The following POGZ variants were observed in gnomAD, a reference collection of about 807,000 sequenced individuals.
POGZ encodes the protein pogo transposable element with ZNF domain.
POGZ carries 17 observed loss-of-function variants against 134.6 expected under a neutral mutation model. The observed-to-expected ratio is 0.13, with a 90% confidence interval of 0.09 to 0.19. POGZ has a LOEUF of 0.19. Ranked by LOEUF, POGZ falls within the 10% of genes least tolerant of loss-of-function variation. The pLI, the probability that POGZ is intolerant of heterozygous loss-of-function variation, is 1.00. For synonymous variants in POGZ, 693 were observed against 657.1 expected, an observed-to-expected ratio of 1.05 and a Z score of -0.84; for missense variants, 1,306 against 1,769.7, an observed-to-expected ratio of 0.74 and a Z score of 4.70.
At chr1:151,429,561 T>C (rs374733214) in intron 5 of POGZ, 42 bp downstream of exon 5, 2 of 988,796 alleles carry the variant, frequency 2.0e-6, no homozygotes, top group African/African-American at 1.6e-5. Flanking sequence ...ACAAATCTTC[T>C]GGATGCCAGT....
At position 151,406,198 on chromosome 1, in the gene POGZ, T is replaced by A; in HGVS notation, c.2837A>T (p.Asp946Val). The change falls in exon 19 of 19, where the codon GAT becomes GTT. Residue 946 changes from aspartate (D) to valine (V), a missense_variant. Asp to Val is a radical substitution (Grantham distance 152). Transcript: ENST00000271715. ...GAECLNVDDQ[D>V]EGSPVTQEPE... Reference sequence around the variant, plus strand: ...TTCTTGGGTGACTGGGCTCCCTTCATCCTGATCATCAACATTCAGACATTC... The same window carrying A: ...TTCTTGGGTGACTGGGCTCCCTTCAACCTGATCATCAACATTCAGACATTC... 2.5e-6 allele frequency: 4 copies of A among 1,614,178 alleles called. No homozygotes were observed. The highest frequency in any genetic ancestry group is 1.1e-5 in the South Asian group (1 of 91,086).
At chr1:151,415,743 TAACTA>T (rs1655527827) in intron 10 of POGZ, among the ~76,000 whole-genome samples, 1 of 148,358 alleles carries the variant, frequency 6.7e-6, no homozygotes, top group Non-Finnish European at 1.5e-5. Flanking sequence ...ACAGGAATAA[TAACTA>T]ACAGTCTTAA....
chr1:151,418,455 G>A (rs1656186221), intron 10 of POGZ, among the ~76,000 whole-genome samples: 1 of 152,110 alleles, frequency 6.6e-6, no homozygotes, highest in Non-Finnish European at 1.5e-5. Context: ...GGAGTAGAGA[G>A]TTGAAGAGAA....
rs1571622883 is a variant in POGZ, at chr1:151,459,396, G to C, written c.-246C>G. On this transcript the variant is annotated 5_prime_UTR_variant, in exon 1 of 19. Transcript: ENST00000271715. ...GGCGGGGGGGCCCCGAGGGAGGGGG[G>C]TGGGGGGGCCAAGGAATGCGGCTCC... 1 of 150,140 alleles carries C rather than the reference G, an allele frequency of 6.7e-6. No individual in the cohort carries two copies. The highest frequency in any genetic ancestry group is 1.5e-5 in the Non-Finnish European group (1 of 67,420). The allele number at this position is 150,140 out of a possible 1,614,324, so 9.3% of individuals were successfully genotyped here. A position where few individuals can be genotyped will look rare whatever the true frequency, so the allele number is the denominator to read the frequency against.
At chr1:151,415,636 A>C (rs1271011596) in intron 10 of POGZ, among the ~76,000 whole-genome samples, 1 of 146,514 alleles carries the variant, frequency 6.8e-6, no homozygotes, top group Non-Finnish European at 1.5e-5. Flanking sequence ...GCACCACTGC[A>C]CTCCAGCCTG....
At chr1:151,439,556 T>C (rs1225332830) in intron 3 of POGZ, among the ~76,000 whole-genome samples, 1 of 152,208 alleles carries the variant, frequency 6.6e-6, no homozygotes, top group African/African-American at 2.4e-5. Context: ...GACTTTATAT[T>C]GCAAATACGT....
At chr1:151,458,697 CGCCCCT>C (rs921848219) in intron 1 of POGZ, among the ~76,000 whole-genome samples, 8 of 145,792 alleles carry the variant, frequency 5.5e-5, no homozygotes, top group African/African-American at 2.0e-4. Context: ...CCCCCGCCCC[CGCCCCT>C]TCCCCAGCGG....
chr1:151,445,308 G>A (rs1661109022), intron 1 of POGZ, among the ~76,000 whole-genome samples: 1 of 151,982 alleles, frequency 6.6e-6, no homozygotes, highest in African/African-American at 2.4e-5. Flanking sequence ...GATCATTTGA[G>A]GTCAGGAGTT....
chr1:151,411,687 G>A lies in POGZ; in HGVS notation c.1864C>T (p.Pro622Ser). Residue 622 changes from proline (P) to serine (S), a missense_variant, in exon 12 of 19, where the codon CCT becomes TCT. Physicochemically the swap from Pro to Ser is moderately conservative, Grantham distance 74. Coordinates refer to ENST00000271715, the MANE Select transcript of POGZ (RefSeq NM_015100.4). The part of the protein sequence containing the change: ...IHEDTRHLLC[P>S]YCLKVFKNGN... Reference sequence around the variant, plus strand: ...TTTTTGAAGACCTTCAGGCAATAAGGGCAGAGCAGATGCCGGGTATCCTCA... The same window carrying A: ...TTTTTGAAGACCTTCAGGCAATAAGAGCAGAGCAGATGCCGGGTATCCTCA... 2 of 1,613,668 alleles carry A rather than the reference G, an allele frequency of 1.2e-6. No homozygotes were observed. The highest frequency in any genetic ancestry group is 1.7e-6 in the Non-Finnish European group (2 of 1,179,750).
chr1:151,452,720 C>T (rs1327482368), intron 1 of POGZ, among the ~76,000 whole-genome samples: 1 of 151,796 alleles, frequency 6.6e-6, no homozygotes, highest in African/African-American at 2.4e-5. Context: ...AAAAATTAGC[C>T]ATGCGTGGTG....
intron 1 of POGZ, among the ~76,000 whole-genome samples, chr1:151,443,067 A>G (rs1489078358): frequency 1.3e-5 from 2 of 152,138 alleles, no homozygotes; most frequent in East Asian, 3.9e-4. Flanking sequence ...TGTAATACCC[A>G]GGGCCAGGGT....
intron 10 of POGZ, among the ~76,000 whole-genome samples, chr1:151,420,452 G>A (rs1036804275): frequency 3.9e-5 from 6 of 152,036 alleles, no homozygotes; most frequent in Non-Finnish European, 8.8e-5. Context: ...GAGTAGCTAC[G>A]ACTATAGGCG....
intron 10 of POGZ, among the ~76,000 whole-genome samples, chr1:151,418,740 T>C (rs1348503777): frequency 6.6e-6 from 1 of 151,926 alleles, no homozygotes; most frequent in Non-Finnish European, 1.5e-5. Context: ...AAAAGCTACT[T>C]TTGGGCTGGG....
chr1:151,406,299 G>A lies in POGZ; in HGVS notation c.2736C>T (p.Ala912=). 2 of 1,611,348 alleles carry A rather than the reference G, an allele frequency of 1.2e-6. No individual in the cohort carries two copies. Among genetic ancestry groups the A allele is most frequent in the South Asian group, 1.1e-5 (1 of 90,660 alleles). ...GGGTTGGTGGTGGGGTTGCAGTTGA[G>A]GCTGGTGATGGGAGTGCTGGGGCTA... ...TPLAPALPSP[A]STATPPPTPT... Residue 912 remains alanine (A), a synonymous_variant, in exon 19 of 19, where the codon GCC becomes GCT. Transcript: ENST00000271715.
chr1:151,421,015 TA>T (rs1167729703), intron 10 of POGZ, among the ~76,000 whole-genome samples: 1 of 145,042 alleles, frequency 6.9e-6, no homozygotes, highest in South Asian at 2.2e-4. Context: ...ATACCTATGA[TA>T]AAGTTTAATT....
At chr1:151,411,082 T>TAAA (rs1654582676) in intron 12 of POGZ, among the ~76,000 whole-genome samples, 1 of 152,194 alleles carries the variant, frequency 6.6e-6, no homozygotes, top group Admixed American at 6.6e-5. Flanking sequence ...AAGCCTTAAC[T>TAAA]AAAGCTGAAC....
chr1:151,432,843 CCAGT>C (rs1421722152), intron 3 of POGZ, among the ~76,000 whole-genome samples: 1 of 152,088 alleles, frequency 6.6e-6, no homozygotes, highest in Non-Finnish European at 1.5e-5. Flanking sequence ...TATCAAATAC[CCAGT>C]CAAAATTCAA....
intron 1 of POGZ, among the ~76,000 whole-genome samples, chr1:151,446,047 T>C (rs1034009615): frequency 1.8e-4 from 4 of 21,848 alleles, no homozygotes; most frequent in South Asian, 2.0e-3. Flanking sequence ...GTCTTTCAAC[T>C]TTTTTTTTTT....
chr1:151,445,337 C>T (rs1661111690), intron 1 of POGZ, among the ~76,000 whole-genome samples: 1 of 151,948 alleles, frequency 6.6e-6, no homozygotes, highest in Admixed American at 6.6e-5. Flanking sequence ...GCCTGGCCAA[C>T]ATGGTGAAAC....
Sources: allele counts gnomAD v4.1 joint callset (sites outside exome capture counted in the v4.1 genomes callset), GRCh38; gene constraint gnomAD v4.1.1; transcripts MANE v1.5; gene names NCBI Gene and HGNC (gene_info 2026-07-23, HGNC 2026-07-21).